CYP2C18: variants seen among roughly 807,000 people sequenced by gnomAD.
CYP2C18 encodes cytochrome P450 2C18.
Under a neutral mutation model 41.3 loss-of-function variants are expected in CYP2C18, and 38 were observed. The ratio of observed to expected loss-of-function variants is 0.92; its 90% CI spans 0.71 to 1.21. CYP2C18 has a LOEUF of 1.21. CYP2C18 is among the 50% of genes most tolerant of loss of function. The pLI, the probability that CYP2C18 is intolerant of heterozygous loss-of-function variation, is 0.00. For synonymous variants in CYP2C18, 236 were observed against 210.0 expected, an observed-to-expected ratio of 1.12 and a Z score of -1.07; for missense variants, 635 against 591.4, an observed-to-expected ratio of 1.07 and a Z score of -0.77.
intron 1 of CYP2C18, among the ~76,000 whole-genome samples, chr10:94,685,002 G>A (rs971566656): frequency 6.0e-5 from 9 of 150,878 alleles, no homozygotes; most frequent in Non-Finnish European, 1.3e-4. Context: ...TTTGAAAAAT[G>A]TCTACTCAAA....
chr10:94,707,273 A>G (rs571306137), intron 5 of CYP2C18, among the ~76,000 whole-genome samples: 4 of 152,196 alleles, frequency 2.6e-5, no homozygotes, highest in Non-Finnish European at 5.9e-5. Flanking sequence ...ATCACACAGC[A>G]TATGGGAGAG....
chr10:94,712,346 T>C (rs1467654714), intron 5 of CYP2C18, among the ~76,000 whole-genome samples: 2 of 151,788 alleles, frequency 1.3e-5, no homozygotes, highest in African/African-American at 4.8e-5. Context: ...TCTCCCCCTT[T>C]CCCCCCGCCC....
At chr10:94,716,591 T>G (rs925569311) in intron 5 of CYP2C18, among the ~76,000 whole-genome samples, 8 of 152,190 alleles carry the variant, frequency 5.3e-5, no homozygotes, top group African/African-American at 1.9e-4. Context: ...GAGGAGTGCT[T>G]TAATTCCAAC....
intron 3 of CYP2C18, among the ~76,000 whole-genome samples, chr10:94,688,818 A>T (rs60571756): frequency 0.025 from 3,853 of 152,270 alleles, 148 homozygotes; most frequent in African/African-American, 0.075. Flanking sequence ...GTTTTTCCCA[A>T]AGTGTAATTG....
chr10:94,715,927 G>A (rs978925576), intron 5 of CYP2C18, among the ~76,000 whole-genome samples: 1 of 151,962 alleles, frequency 6.6e-6, no homozygotes, highest in South Asian at 2.1e-4. Context: ...TGTATGTGTC[G>A]AGAAATTTAT....
intron 5 of CYP2C18, among the ~76,000 whole-genome samples, chr10:94,713,688 A>G (rs1847486922): frequency 6.6e-6 from 1 of 152,232 alleles, no homozygotes; most frequent in Non-Finnish European, 1.5e-5. Context: ...TCCTTTGGGT[A>G]TATACCCAGT....
intron 5 of CYP2C18, among the ~76,000 whole-genome samples, chr10:94,710,576 A>G (rs934339206): frequency 3.9e-5 from 6 of 152,204 alleles, no homozygotes; most frequent in African/African-American, 1.4e-4. Flanking sequence ...TGTGTCAGCT[A>G]GCTTAATTTT....
chr10:94,701,895 T>C (rs1224073648), intron 4 of CYP2C18, among the ~76,000 whole-genome samples: 1 of 152,044 alleles, frequency 6.6e-6, no homozygotes, highest in Non-Finnish European at 1.5e-5. Context: ...TCATGAAAAA[T>C]TGCACTCACT....
At chr10:94,705,635 C>T (rs1478205079) in intron 4 of CYP2C18, among the ~76,000 whole-genome samples, 1 of 152,022 alleles carries the variant, frequency 6.6e-6, no homozygotes, top group African/African-American at 2.4e-5. Flanking sequence ...AGAGTTGATT[C>T]TGACTTTTTT....
chr10:94,734,536 C>T (rs535228469), intron 8 of CYP2C18, among the ~76,000 whole-genome samples: 2 of 152,160 alleles, frequency 1.3e-5, no homozygotes, highest in South Asian at 2.1e-4. Context: ...TCACAGAAAT[C>T]ATAAAGAGGA....
intron 5 of CYP2C18, among the ~76,000 whole-genome samples, chr10:94,718,569 G>A (rs867387761): frequency 6.6e-6 from 1 of 152,024 alleles, no homozygotes; most frequent in Admixed American, 6.6e-5. Flanking sequence ...TATGAGGTTA[G>A]CCATGCACTT....
intron 7 of CYP2C18, among the ~76,000 whole-genome samples, chr10:94,730,907 A>G (rs1157463879): frequency 6.6e-6 from 1 of 152,194 alleles, no homozygotes; most frequent in Non-Finnish European, 1.5e-5. Context: ...AGCCAAATCA[A>G]GAACGCAATC....
At chr10:94,701,995 TA>T (rs566454665) in intron 4 of CYP2C18, among the ~76,000 whole-genome samples, 5,463 of 149,602 alleles carry the variant, frequency 0.037, 129 homozygotes, top group Middle Eastern at 0.13. Flanking sequence ...ATGTCACTGG[TA>T]AAAAAAAAAT....
Position 94,687,858 on chromosome 10 carries a change from C to T in CYP2C18, c.257C>T (p.Ala86Val). Residue 86 changes from alanine to valine, a missense_variant, in exon 2 of 9, where the codon GCC becomes GTC. By Grantham distance (64) the Ala-to-Val change is moderately conservative. Transcript: ENST00000285979. Reference protein sequence around the residue: ...VLHGYEAVKEALIDHGEEFSG... With the variant: ...VLHGYEAVKEVLIDHGEEFSG... ...CATGGATATGAAGCAGTGAAGGAGG[C>T]CCTGATTGATCATGGAGAGGAGTTT... 6.2e-7 allele frequency: 1 copy of T among 1,613,724 alleles called. No individual in the cohort carries two copies. Among genetic ancestry groups the T allele is most frequent in the Non-Finnish European group, 8.5e-7 (1 of 1,179,760 alleles).
intron 1 of CYP2C18, among the ~76,000 whole-genome samples, chr10:94,686,420 A>G (rs1283864651): frequency 1.3e-5 from 2 of 152,144 alleles, no homozygotes; most frequent in Admixed American, 1.3e-4. Context: ...TCTTTAGTCT[A>G]ATTGCTCTGA....
At chr10:94,685,753 T>C (rs1311746317) in intron 1 of CYP2C18, among the ~76,000 whole-genome samples, 1 of 152,170 alleles carries the variant, frequency 6.6e-6, no homozygotes, top group Non-Finnish European at 1.5e-5. Flanking sequence ...TTAATCAGTG[T>C]GTCTATTTTT....
At chr10:94,692,274 A>C (rs1386112984) in intron 3 of CYP2C18, among the ~76,000 whole-genome samples, 1 of 152,170 alleles carries the variant, frequency 6.6e-6, no homozygotes, top group Non-Finnish European at 1.5e-5. Context: ...CAACCTACTC[A>C]TCTGACAAAG....
At chr10:94,700,625 GA>G (rs953443788) in intron 4 of CYP2C18, among the ~76,000 whole-genome samples, 22 of 152,316 alleles carry the variant, frequency 1.4e-4, no homozygotes, top group African/African-American at 5.3e-4. Flanking sequence ...TTGACAAATG[GA>G]TCTAATTAAA....
chr10:94,710,009 C>T (rs868222860), intron 5 of CYP2C18, among the ~76,000 whole-genome samples: 21 of 151,842 alleles, frequency 1.4e-4, no homozygotes, highest in African/African-American at 3.4e-4. Flanking sequence ...GACAGGGTCT[C>T]GCTCTGGTTG....
Sources: gnomAD v4.1 joint callset for allele counts (sites outside exome capture counted in the v4.1 genomes callset) on GRCh38, gnomAD v4.1.1 for gene constraint, MANE v1.5 for transcripts, NCBI Gene and HGNC (gene_info 2026-07-23, HGNC 2026-07-21) for gene names.